The following AFF3 variants were observed in gnomAD, a reference collection of about 807,000 sequenced individuals.
The protein encoded by AFF3 is AF4/FMR2 family member 3.
A neutral mutation model predicts 129.7 loss-of-function variants in AFF3; 32 were observed. The observed-to-expected ratio is 0.25, with a 90% CI of 0.19 to 0.33. The LOEUF is 0.33. Ranked by LOEUF, AFF3 falls within the 10% of genes least tolerant of loss-of-function variation. The pLI, the probability that AFF3 is intolerant of heterozygous loss-of-function variation, is 1.00. For synonymous variants in AFF3, 644 were observed against 635.4 expected (o/e 1.01, Z -0.20); for missense variants, 1,373 against 1,592.0 (o/e 0.86, Z 2.34).
chr2:100,077,856 T>C (rs1332250923), intron 4 of AFF3, among the ~76,000 whole-genome samples: 1 of 152,062 alleles, frequency 6.6e-6, no homozygotes, highest in Admixed American at 6.6e-5. Flanking sequence ...TCTAATTTTA[T>C]CCAAGAGGGA....
intron 8 of AFF3, among the ~76,000 whole-genome samples, chr2:99,804,473 A>C (rs1398238857): frequency 6.6e-6 from 1 of 152,196 alleles, no homozygotes; most frequent in Non-Finnish European, 1.5e-5. Flanking sequence ...GAGAAGACTT[A>C]TACACTGCTA....
intron 11 of AFF3, among the ~76,000 whole-genome samples, chr2:99,724,346 C>T (rs982513082): frequency 6.9e-5 from 9 of 131,282 alleles, no homozygotes; most frequent in African/African-American, 2.6e-4. Context: ...AATCTTGGCT[C>T]ACTGCAACCT....
At chr2:99,855,891 G>C (rs1690489618) in intron 7 of AFF3, among the ~76,000 whole-genome samples, 1 of 152,140 alleles carries the variant, frequency 6.6e-6, no homozygotes, top group African/African-American at 2.4e-5. Flanking sequence ...TTGATAGTAT[G>C]TAGACCTGAT....
intron 7 of AFF3, among the ~76,000 whole-genome samples, chr2:99,895,329 C>T (rs1312548014): frequency 1.3e-5 from 2 of 152,200 alleles, no homozygotes; most frequent in Non-Finnish European, 1.5e-5. Flanking sequence ...ATGTAAAAAT[C>T]ATGTAAACAT....
At chr2:99,584,785 A>G (rs958382431) in intron 16 of AFF3, among the ~76,000 whole-genome samples, 7 of 152,228 alleles carry the variant, frequency 4.6e-5, no homozygotes, top group Admixed American at 4.6e-4. Context: ...AAAGCCATCT[A>G]ACAAAGATTT....
At chr2:99,786,277 T>C (rs1684784653) in intron 8 of AFF3, among the ~76,000 whole-genome samples, 3 of 152,306 alleles carry the variant, frequency 2.0e-5, no homozygotes, top group Admixed American at 6.5e-5. Flanking sequence ...TGGAGATTGA[T>C]AACGGTATTT....
intron 11 of AFF3, among the ~76,000 whole-genome samples, chr2:99,716,711 T>A (rs1678425873): frequency 6.6e-6 from 1 of 151,820 alleles, no homozygotes; most frequent in Non-Finnish European, 1.5e-5. Flanking sequence ...TGAAACCCCA[T>A]CTCTACTAAA....
intron 12 of AFF3, among the ~76,000 whole-genome samples, chr2:99,663,233 G>A (rs1439072180): frequency 6.6e-6 from 1 of 152,146 alleles, no homozygotes; most frequent in Non-Finnish European, 1.5e-5. Context: ...GCTTTTAAGA[G>A]TACACCCAAA....
At chr2:99,595,414 T>A (rs1488415050) in intron 14 of AFF3, among the ~76,000 whole-genome samples, 2 of 152,166 alleles carry the variant, frequency 1.3e-5, no homozygotes, top group African/African-American at 4.8e-5. Flanking sequence ...GCATCCATTG[T>A]TTCAGAGGAG....
At chr2:99,847,501 G>T (rs1455998414) in intron 7 of AFF3, among the ~76,000 whole-genome samples, 1 of 151,846 alleles carries the variant, frequency 6.6e-6, no homozygotes, top group East Asian at 2.0e-4. Flanking sequence ...TGTTAGTCTT[G>T]GAAAATATTT....
intron 4 of AFF3, among the ~76,000 whole-genome samples, chr2:100,022,240 T>G (rs1683649586): frequency 6.6e-6 from 1 of 152,172 alleles, no homozygotes; most frequent in Admixed American, 6.5e-5. Context: ...TACAAATATT[T>G]TACTTGATTC....
At chr2:99,651,936 T>C (rs1160172192) in intron 12 of AFF3, among the ~76,000 whole-genome samples, 1 of 152,170 alleles carries the variant, frequency 6.6e-6, no homozygotes. Flanking sequence ...GAAGCAGTTA[T>C]CGTCCCAGAA....
intron 7 of AFF3, among the ~76,000 whole-genome samples, chr2:99,965,877 T>C (rs1677694508): frequency 6.6e-6 from 1 of 152,198 alleles, no homozygotes; most frequent in Non-Finnish European, 1.5e-5. Context: ...GTCATATTTC[T>C]GCCAAAACTA....
intron 7 of AFF3, among the ~76,000 whole-genome samples, chr2:99,864,489 C>T (rs6715454): frequency 0.38 from 57,672 of 152,040 alleles, 11,424 homozygotes; most frequent in South Asian, 0.44. Flanking sequence ...GACTTGTAGG[C>T]TGGGAGAACT....
At chr2:99,723,349 T>C (rs533778734) in intron 11 of AFF3, among the ~76,000 whole-genome samples, 41 of 152,316 alleles carry the variant, frequency 2.7e-4, no homozygotes, top group Middle Eastern at 6.8e-3. Flanking sequence ...GATGCTTCCT[T>C]AGGAAATAAG....
At chr2:99,569,874 T>C (rs182828983) in intron 18 of AFF3, among the ~76,000 whole-genome samples, 5 of 152,266 alleles carry the variant, frequency 3.3e-5, no homozygotes, top group African/African-American at 1.2e-4. Context: ...AATGATTACA[T>C]GCTTATTTTG....
At chr2:99,949,617 C>T (rs10189707) in intron 7 of AFF3, among the ~76,000 whole-genome samples, 28,258 of 151,718 alleles carry the variant, frequency 0.19, 3,403 homozygotes, top group African/African-American at 0.33. Flanking sequence ...CATTAGATTC[C>T]CATAAGGAGA....
At chr2:100,051,142 T>G (rs746780981) in intron 4 of AFF3, among the ~76,000 whole-genome samples, 12 of 152,112 alleles carry the variant, frequency 7.9e-5, no homozygotes, top group Non-Finnish European at 1.8e-4. Flanking sequence ...GTCATTCAGG[T>G]AGTCTTCTTT....
At chr2:99,911,237 G>A (rs1695090519) in intron 7 of AFF3, among the ~76,000 whole-genome samples, 1 of 151,952 alleles carries the variant, frequency 6.6e-6, no homozygotes, top group Non-Finnish European at 1.5e-5. Flanking sequence ...GATTTTGCAT[G>A]ATTAGCCGGG....
Sources: gnomAD v4.1 joint callset for allele counts (sites outside exome capture counted in the v4.1 genomes callset) on GRCh38, gnomAD v4.1.1 for gene constraint, MANE v1.5 for transcripts, NCBI Gene and HGNC (gene_info 2026-07-23, HGNC 2026-07-21) for gene names.